TBC1D30: variants seen among roughly 807,000 people sequenced by gnomAD.
TBC1D30 encodes TBC1 domain family member 30.
Under a neutral mutation model 63.2 loss-of-function variants are expected in TBC1D30, and 31 were observed. That is an observed-to-expected ratio of 0.49 (90% CI 0.37 to 0.66). The LOEUF is 0.66. Ranked by LOEUF, TBC1D30 falls within the 30% of genes least tolerant of loss-of-function variation. The pLI, the probability that TBC1D30 is intolerant of heterozygous loss-of-function variation, is 0.00. For synonymous variants in TBC1D30, 307 were observed against 361.5 expected, an observed-to-expected ratio of 0.85 and a Z score of 1.71; for missense variants, 810 against 953.6, an observed-to-expected ratio of 0.85 and a Z score of 1.98.
chr12:64,847,515 T>C (rs995263102), intron 8 of TBC1D30, among the ~76,000 whole-genome samples: 7 of 152,122 alleles, frequency 4.6e-5, no homozygotes, highest in South Asian at 2.1e-4. Flanking sequence ...TAGGCACTTA[T>C]AGCTATAAAT....
At chr12:64,841,329 G>A (rs995317596) in intron 7 of TBC1D30, among the ~76,000 whole-genome samples, 1 of 152,086 alleles carries the variant, frequency 6.6e-6, no homozygotes, top group Non-Finnish European at 1.5e-5. Flanking sequence ...CCATCAGCAC[G>A]CCATCACTAG....
At chr12:64,767,788 C>CGGGGGG (rs59418018) in intron 1 of TBC1D30, among the ~76,000 whole-genome samples, 8 of 60,194 alleles carry the variant, frequency 1.3e-4, no homozygotes, top group Non-Finnish European at 2.0e-4. Flanking sequence ...CATGCTCCGG[C>CGGGGGG]GGGGGGGGGG....
rs1355039950 is a variant in TBC1D30, at chr12:64,825,003, G to A, written c.124G>A (p.Ala42Thr). 1 of 1,533,980 alleles carries A rather than the reference G, an allele frequency of 6.5e-7. No homozygotes were observed. The highest frequency in any genetic ancestry group is 2.4e-5 in the East Asian group (1 of 40,888). The change falls in exon 1 of 12, where the codon GCG becomes ACG. Residue 42 changes from alanine to threonine, a missense_variant. Coordinates refer to ENST00000539867, the MANE Select transcript of TBC1D30 (RefSeq NM_015279.2). Reference sequence around the variant, plus strand: ...GAAGCGCAGCTGCATTTCCCGGACCGCGCCCCGGCTGCTGTGCACCCTGGA... The same window carrying A: ...GAAGCGCAGCTGCATTTCCCGGACCACGCCCCGGCTGCTGTGCACCCTGGA... ...LKKRSCISRT[A>T]PRLLCTLEPG...
upstream of TBC1D30, among the ~76,000 whole-genome samples, chr12:64,777,231 C>A (rs12322967): frequency 9.9e-4 from 151 of 152,240 alleles, no homozygotes; most frequent in African/African-American, 3.5e-3. Context: ...TGCTCCTATT[C>A]AACATAGTAT....
At chr12:64,836,394 A>G (rs7976879) in intron 5 of TBC1D30, 96 bp from the exon 6 acceptor site, 25 of 986,058 alleles carry the variant, frequency 2.5e-5, no homozygotes, top group Non-Finnish European at 3.1e-5. Context: ...TTTGGCTAAC[A>G]GCGTTTTATC....
intron 7 of TBC1D30, among the ~76,000 whole-genome samples, chr12:64,842,962 A>G (rs1406996863): frequency 6.6e-6 from 1 of 152,120 alleles, no homozygotes; most frequent in Admixed American, 6.6e-5. Context: ...CAGGATTTTG[A>G]TATTTGTTGA....
chr12:64,864,618 G>C (rs1324410833), intron 8 of TBC1D30, 50 bp from the exon 9 acceptor site: 3 of 1,239,030 alleles, frequency 2.4e-6, no homozygotes, highest in African/African-American at 1.5e-5. Flanking sequence ...ATTGATAAGA[G>C]TTGTGAAGGC....
upstream of TBC1D30, among the ~76,000 whole-genome samples, chr12:64,822,249 T>C (rs1215779917): frequency 6.6e-6 from 1 of 151,190 alleles, no homozygotes; most frequent in East Asian, 2.0e-4. Flanking sequence ...TGGCCAATCA[T>C]AGCTCACTGT....
At chr12:64,830,342 C>CT (rs1565663095) in intron 3 of TBC1D30, 35 bp from the exon 4 acceptor site, 2 of 1,495,018 alleles carry the variant, frequency 1.3e-6, no homozygotes, top group Non-Finnish European at 1.8e-6. Context: ...ATATATTCTA[C>CT]TTTGGCATTC....
chr12:64,769,950 C>T (rs561426789), intron 1 of TBC1D30, among the ~76,000 whole-genome samples: 5 of 152,276 alleles, frequency 3.3e-5, no homozygotes, highest in African/African-American at 1.2e-4. Context: ...GAAATTGTAA[C>T]ATTTTCTTTG....
chr12:64,815,845 G>A (rs1368081746), intron 2 of TBC1D30, among the ~76,000 whole-genome samples: 1 of 151,760 alleles, frequency 6.6e-6, no homozygotes, highest in Non-Finnish European at 1.5e-5. Flanking sequence ...GTAGTATGGT[G>A]ATGTGATTAT....
At chr12:64,848,473 G>T (rs1482512941) in intron 8 of TBC1D30, among the ~76,000 whole-genome samples, 4 of 151,976 alleles carry the variant, frequency 2.6e-5, no homozygotes, top group Non-Finnish European at 5.9e-5. Context: ...CCCTCCCTGT[G>T]TCCATGTGTT....
intron 8 of TBC1D30, among the ~76,000 whole-genome samples, chr12:64,845,318 G>A (rs1360316447): frequency 6.6e-6 from 1 of 152,176 alleles, no homozygotes; most frequent in African/African-American, 2.4e-5. Flanking sequence ...TTTTAACTGG[G>A]TGAGATAATA....
At chr12:64,773,663 C>T (rs1870982549) in intron 1 of TBC1D30, among the ~76,000 whole-genome samples, 1 of 152,192 alleles carries the variant, frequency 6.6e-6, no homozygotes, top group South Asian at 2.1e-4. Flanking sequence ...TGTTTTACAG[C>T]CTTCACTGGT....
exon 1 of TBC1D30, chr12:64,780,995 G>A: frequency 1.9e-6 from 2 of 1,043,454 alleles, no homozygotes; most frequent in South Asian, 2.6e-5. Context: ...GGACGGCGAT[G>A]AGGACACGGA....
chr12:64,784,794 C>T (rs1373238343), intron 1 of TBC1D30, among the ~76,000 whole-genome samples: 3 of 151,894 alleles, frequency 2.0e-5, no homozygotes, highest in African/African-American at 2.4e-5. Flanking sequence ...GTGCAGCAAA[C>T]CACCATGGCA....
chr12:64,777,922 G>T (rs568486145), upstream of TBC1D30, among the ~76,000 whole-genome samples: 9 of 152,232 alleles, frequency 5.9e-5, no homozygotes, highest in South Asian at 1.7e-3. Context: ...ATCACATCTG[G>T]CTAATTTTTG....
At position 64,880,618 on chromosome 12, in the gene TBC1D30, C is replaced by G. The variant is rs947350927; in HGVS notation, c.*4830C>G. The G allele has an allele frequency of 1.3e-5, 2 of 152,190 alleles. No homozygotes were observed. Among genetic ancestry groups the G allele is most frequent in the Non-Finnish European group, 2.9e-5 (2 of 68,048 alleles). 9.4% of individuals were successfully genotyped at this position (152,190 alleles called of 1,614,324 possible). On this transcript the variant is annotated 3_prime_UTR_variant, in exon 12 of 12. Transcript: ENST00000539867. ...CTAAACCTAATTACCTCCCAATGGC[C>G]CCGCCTTCAAATACCATCACGTTGA...
chr12:64,853,689 A>G (rs1474149812), intron 8 of TBC1D30, among the ~76,000 whole-genome samples: 1 of 152,222 alleles, frequency 6.6e-6, no homozygotes, highest in Non-Finnish European at 1.5e-5. Context: ...TATCTGGGCC[A>G]GAATGCATCA....
Sources: allele counts gnomAD v4.1 joint callset (sites outside exome capture counted in the v4.1 genomes callset), GRCh38; gene constraint gnomAD v4.1.1; transcripts MANE v1.5; gene names NCBI Gene and HGNC (gene_info 2026-07-23, HGNC 2026-07-21).